The following TAS2R1 variants were observed in gnomAD, a reference collection of about 807,000 sequenced individuals.
The protein encoded by TAS2R1 is taste receptor type 2 member 1.
For synonymous variants in TAS2R1, 141 were observed against 134.2 expected (o/e 1.05, Z -0.35); for missense variants, 370 against 353.4 (o/e 1.05, Z -0.38).
the TAS2R1 span, among the ~76,000 whole-genome samples, chr5:9,863,769 A>C: frequency 6.6e-6 from 1 of 152,216 alleles, no homozygotes; most frequent in Non-Finnish European, 1.5e-5. Context: ...TATAAACAGT[A>C]ATCTTTTGTA....
chr5:9,856,800 A>G, the TAS2R1 span, among the ~76,000 whole-genome samples: 2 of 152,352 alleles, frequency 1.3e-5, no homozygotes, highest in South Asian at 2.1e-4. Context: ...CATACCCACA[A>G]GATTACAGTA....
At chr5:9,656,162 T>C (rs897144501) in intron 2 of TAS2R1, among the ~76,000 whole-genome samples, 1 of 152,166 alleles carries the variant, frequency 6.6e-6, no homozygotes, top group Non-Finnish European at 1.5e-5. Flanking sequence ...CTGGCACATA[T>C]AGGTGCTTAA....
the TAS2R1 span, among the ~76,000 whole-genome samples, chr5:9,816,110 A>G: frequency 6.6e-6 from 1 of 152,200 alleles, no homozygotes; most frequent in Non-Finnish European, 1.5e-5. Context: ...TCTTTATCAT[A>G]AAAATCATAA....
the TAS2R1 span, among the ~76,000 whole-genome samples, chr5:9,787,476 C>A: frequency 6.6e-6 from 1 of 152,066 alleles, no homozygotes; most frequent in African/African-American, 2.4e-5. Context: ...GATGGAAATA[C>A]AAGATACAAG....
intron 1 of TAS2R1, among the ~76,000 whole-genome samples, chr5:9,709,009 G>A (rs944117524): frequency 6.6e-6 from 1 of 152,096 alleles, no homozygotes; most frequent in Non-Finnish European, 1.5e-5. Context: ...AGGGAAGTGA[G>A]AGTGCCTTTA....
chr5:9,669,540 A>C (rs371497576), intron 1 of TAS2R1, among the ~76,000 whole-genome samples: 39 of 152,268 alleles, frequency 2.6e-4, no homozygotes, highest in African/African-American at 7.7e-4. Flanking sequence ...ATTTTAAACA[A>C]CCAAAATTAT....
At chr5:9,839,796 G>T in the TAS2R1 span, among the ~76,000 whole-genome samples, 556 of 152,106 alleles carry the variant, frequency 3.7e-3, 1 homozygote, top group Middle Eastern at 0.01. Flanking sequence ...GTCCATTACA[G>T]GTAATTACAT....
the TAS2R1 span, among the ~76,000 whole-genome samples, chr5:9,846,994 A>G: frequency 6.6e-6 from 1 of 152,052 alleles, no homozygotes; most frequent in East Asian, 1.9e-4. Flanking sequence ...TACCTCATTA[A>G]CTCCCATGAT....
chr5:9,853,389 T>G, the TAS2R1 span, among the ~76,000 whole-genome samples: 2 of 152,184 alleles, frequency 1.3e-5, no homozygotes, highest in African/African-American at 4.8e-5. Context: ...ACATGCCAAT[T>G]AAGGGGTAGA....
chr5:9,769,498 C>CAT, the TAS2R1 span, among the ~76,000 whole-genome samples: 2 of 152,158 alleles, frequency 1.3e-5, no homozygotes, highest in Admixed American at 6.5e-5. Context: ...AACTGTTCTC[C>CAT]ATAATGGTTG....
the TAS2R1 span, among the ~76,000 whole-genome samples, chr5:9,845,333 T>G: frequency 6.6e-6 from 1 of 152,246 alleles, no homozygotes; most frequent in African/African-American, 2.4e-5. Context: ...TAACATGTGT[T>G]ATTAAATTTA....
chr5:9,837,014 G>A, the TAS2R1 span, among the ~76,000 whole-genome samples: 2 of 152,148 alleles, frequency 1.3e-5, no homozygotes, highest in African/African-American at 4.8e-5. Context: ...GCTCTAACAC[G>A]TGACTGGTTG....
chr5:9,754,709 G>A, the TAS2R1 span, among the ~76,000 whole-genome samples: 5 of 152,130 alleles, frequency 3.3e-5, no homozygotes, highest in East Asian at 9.6e-4. Context: ...CCTCTTCAAG[G>A]AGAGCTACAA....
the TAS2R1 span, among the ~76,000 whole-genome samples, chr5:9,879,544 C>A: frequency 2.6e-5 from 4 of 152,202 alleles, no homozygotes; most frequent in Non-Finnish European, 5.9e-5. Flanking sequence ...CCTATAGCAA[C>A]CTCATGCTCA....
At chr5:9,715,504 C>T (rs556804932), upstream of TAS2R1, among the ~76,000 whole-genome samples, 2 of 152,322 alleles carry the variant, frequency 1.3e-5, no homozygotes, top group East Asian at 1.9e-4. Flanking sequence ...GAGGCTTCTG[C>T]GGGGCCACTA....
At chr5:9,686,133 G>A (rs1267603093) in intron 1 of TAS2R1, among the ~76,000 whole-genome samples, 1 of 152,200 alleles carries the variant, frequency 6.6e-6, no homozygotes, top group Non-Finnish European at 1.5e-5. Flanking sequence ...CCAAAATGCT[G>A]GGATTACAGG....
the TAS2R1 span, among the ~76,000 whole-genome samples, chr5:9,864,036 C>T: frequency 7.9e-5 from 12 of 152,218 alleles, no homozygotes; most frequent in Admixed American, 4.6e-4. Flanking sequence ...CTGAACACTA[C>T]TCCTGCTATG....
the TAS2R1 span, among the ~76,000 whole-genome samples, chr5:9,733,413 G>T: frequency 6.6e-6 from 1 of 152,178 alleles, no homozygotes; most frequent in African/African-American, 2.4e-5. Context: ...GTTGAGCCCT[G>T]GTGTCACTTC....
At chr5:9,883,487 T>A in the TAS2R1 span, 1 of 152,158 alleles carries the variant, frequency 6.6e-6, no homozygotes, top group Non-Finnish European at 1.5e-5. Context: ...CCTGGAAGCA[T>A]ACATGGATTT....
Sources: allele counts gnomAD v4.1 joint callset (sites outside exome capture counted in the v4.1 genomes callset), GRCh38; gene constraint gnomAD v4.1.1; transcripts MANE v1.5; gene names NCBI Gene and HGNC (gene_info 2026-07-23, HGNC 2026-07-21).